The following ADAMTS17 variants were observed in gnomAD, a reference collection of about 807,000 sequenced individuals.
ADAMTS17 encodes A disintegrin and metalloproteinase with thrombospondin motifs 17.
Under a neutral mutation model 141.5 loss-of-function variants are expected in ADAMTS17, and 113 were observed. The observed-to-expected ratio is 0.80, with a 90% CI of 0.69 to 0.93. ADAMTS17 has a LOEUF of 0.93. Ranked by LOEUF, ADAMTS17 falls within the 40% of genes least tolerant of loss-of-function variation. ADAMTS17 has a pLI of 0.00. For synonymous variants in ADAMTS17, 768 were observed against 630.6 expected, an observed-to-expected ratio of 1.22 and a Z score of -3.27; for missense variants, 1,659 against 1,517.9, an observed-to-expected ratio of 1.09 and a Z score of -1.54.
Position 99,976,217 on chromosome 15 carries a change from C to G in ADAMTS17, c.2955G>C (p.Ser985=), listed in dbSNP as rs139663417. ...ACTGCAGGCCCTTCCCGCAGGTCGA[C>G]GAGCACTGCAGAGACAGGACAGCCT... is the stretch of plus-strand genomic sequence containing the variant. The part of the protein sequence containing the change: ...EWKTGDWSTC[S]STCGKGLQSR... The change falls in exon 21 of 22, where the codon TCG becomes TCC. Residue 985 remains serine, a synonymous_variant. Transcript: ENST00000268070. 1.3e-6 allele frequency: 2 copies of G among 1,545,428 alleles called. No homozygotes were observed. Among genetic ancestry groups the G allele is most frequent in the South Asian group, 1.2e-5 (1 of 84,062 alleles).
intron 19 of ADAMTS17, among the ~76,000 whole-genome samples, chr15:99,996,252 C>A (rs2060800588): frequency 6.6e-6 from 1 of 151,972 alleles, no homozygotes; most frequent in Non-Finnish European, 1.5e-5. Flanking sequence ...CAGGATTTTA[C>A]CACTGAGTGG....
At chr15:100,139,288 G>A (rs1199468865) in intron 10 of ADAMTS17, among the ~76,000 whole-genome samples, 3 of 152,200 alleles carry the variant, frequency 2.0e-5, no homozygotes, top group Non-Finnish European at 1.5e-5. Flanking sequence ...AGCCTGAGAT[G>A]AAATGATTTT....
intron 18 of ADAMTS17, among the ~76,000 whole-genome samples, chr15:100,044,737 G>A (rs2031541465): frequency 6.6e-6 from 1 of 151,940 alleles, no homozygotes; most frequent in Non-Finnish European, 1.5e-5. Context: ...CTGGAACACT[G>A]TGAATGATAC....
Position 99,993,318 on chromosome 15 carries a change from C to T in ADAMTS17, c.2797-118G>A, listed in dbSNP as rs2060729005. 2 of 1,441,366 alleles carry T rather than the reference C, an allele frequency of 1.4e-6. No homozygotes were observed. Among genetic ancestry groups the T allele is most frequent in the East Asian group, 4.5e-5 (2 of 44,008 alleles). The allele number at this position is 1,441,366 out of a possible 1,614,324, so 89.3% of individuals were successfully genotyped here. ...TGGGGATGATACAAAGATGAAAACC[C>T]ACACTTCTGTCCTCAAAAAGCTCCT... is the stretch of plus-strand genomic sequence containing the variant. On this transcript the variant is annotated intron_variant, in intron 19 of 21. Transcript: ENST00000268070. The surrounding 1 kb of genome is among the most constrained non-coding windows in gnomAD (Gnocchi z 4.3).
intron 3 of ADAMTS17, among the ~76,000 whole-genome samples, chr15:100,294,915 A>T (rs2044757799): frequency 6.6e-6 from 1 of 152,232 alleles, no homozygotes; most frequent in African/African-American, 2.4e-5. Flanking sequence ...TGGGAAGCAG[A>T]GTGCATGAGT....
chr15:100,102,670 G>A lies in ADAMTS17; in HGVS notation c.2017-6194C>T, dbSNP rs544538615. On this transcript the variant is annotated intron_variant, in intron 14 of 21. Coordinates refer to ENST00000268070, the MANE Select transcript of ADAMTS17 (RefSeq NM_139057.4). ...ACTGCTGCATGGTAGGTTTCCTTTC[G>A]TAACTAGTGCGAGGGAAATTGACCT... Among the ~76,000 whole-genome samples, 51 of 152,262 alleles carry A rather than the reference G, an allele frequency of 3.3e-4. 1 individual carries two copies. The highest frequency in any genetic ancestry group is 1.1e-3 in the African/African-American group (46 of 41,552).
At chr15:100,073,671 C>G (rs938431742) in intron 15 of ADAMTS17, among the ~76,000 whole-genome samples, 1 of 148,170 alleles carries the variant, frequency 6.7e-6, no homozygotes, top group Admixed American at 7.0e-5. Flanking sequence ...GGACAAAAAA[C>G]CAAACACCGC....
chr15:100,262,408 G>A lies in ADAMTS17; in HGVS notation c.817C>T (p.Leu273=), dbSNP rs746301144. The change falls in exon 5 of 22, where the codon CTG becomes TTG. Residue 273 remains leucine (L), a synonymous_variant. Transcript: ENST00000268070. ...ACTTGAATGTTAATTTTAATCCCCA[G>A]GCTCTGGTGCTGAAACATATTGTAT... ...MVYNMFQHQS[L]GIKINIQVTK... is the part of the protein sequence containing the mutation. The A allele has an allele frequency of 1.9e-6, 3 of 1,613,594 alleles. No homozygotes were observed. The highest frequency in any genetic ancestry group is 1.3e-5 in the African/African-American group (1 of 74,792).
At chr15:100,232,909 C>A (rs11853658) in intron 7 of ADAMTS17, among the ~76,000 whole-genome samples, 6,588 of 152,258 alleles carry the variant, frequency 0.043, 500 homozygotes, top group African/African-American at 0.15. Flanking sequence ...AGAGGAGGGA[C>A]GCCGTGAATC....
rs750609551 is a variant in ADAMTS17 at position 100,029,319 on chromosome 15, C to T, written c.2591+19538G>A. ...CAAAACATAGGGATCTAAATTTAACCCTGCTCGGTTTCCTTTCCTGACTGT... is the reference window on the plus strand; with the variant it reads ...CAAAACATAGGGATCTAAATTTAACTCTGCTCGGTTTCCTTTCCTGACTGT... On this transcript the variant is annotated intron_variant, in intron 18 of 21. Coordinates refer to ENST00000268070, the MANE Select transcript of ADAMTS17 (RefSeq NM_139057.4). Among the ~76,000 whole-genome samples, 55 of 152,312 alleles carry T rather than the reference C, an allele frequency of 3.6e-4. 1 individual carries two copies. The highest frequency in any genetic ancestry group is 6.2e-4 in the South Asian group (3 of 4,822).
In ADAMTS17 at chr15:100,146,890, C is replaced by T. The variant is rs182954311; in HGVS notation, c.1473+5722G>A. ...AGGCTTATTAGGAAGAGGAAATTCC[C>T]GCCTAATAAATTTTGGTCAGACTGG... On this transcript the variant is annotated intron_variant, in intron 10 of 21. Transcript: ENST00000268070. Among the ~76,000 whole-genome samples the T allele has an allele frequency of 6.2e-4, 95 of 152,180 alleles. 1 individual carries two copies. Among genetic ancestry groups the T allele is most frequent in the African/African-American group, 1.3e-3 (56 of 41,512 alleles).
chr15:100,324,553 C>A (rs1229265415), intron 3 of ADAMTS17, among the ~76,000 whole-genome samples: 2 of 152,196 alleles, frequency 1.3e-5, no homozygotes, highest in African/African-American at 2.4e-5. Flanking sequence ...GTATGCAAAT[C>A]TCACCAGAGT....
chr15:99,978,914 C>CT (rs1420772762), intron 20 of ADAMTS17: 1 of 152,248 alleles, frequency 6.6e-6, no homozygotes, highest in African/African-American at 2.4e-5. Flanking sequence ...CCTGAACCTC[C>CT]TCTCAGGTCC....
chr15:100,096,413 C>A lies in ADAMTS17; in HGVS notation c.2080G>T (p.Gly694Trp). Residue 694 changes from glycine (G) to tryptophan (W), a missense_variant, in exon 15 of 22, where the codon GGG becomes TGG. Coordinates refer to ENST00000268070, the MANE Select transcript of ADAMTS17 (RefSeq NM_139057.4). Reference sequence around the variant, plus strand: ...ACCAAGTGGCAGGTCTTGCCGTCCCCGCTGCAGACCCCGCATCTGTCCTCT... The same window carrying A: ...ACCAAGTGGCAGGTCTTGCCGTCCCAGCTGCAGACCCCGCATCTGTCCTCT... ...AKEDRCGVCS[G>W]DGKTCHLVKG... 6.2e-7 allele frequency: 1 copy of A among 1,614,168 alleles called. No homozygotes were observed. Among genetic ancestry groups the A allele is most frequent in the Non-Finnish European group, 8.5e-7 (1 of 1,180,028 alleles).
intron 15 of ADAMTS17, among the ~76,000 whole-genome samples, chr15:100,054,607 A>G (rs2032413466): frequency 6.6e-6 from 1 of 152,138 alleles, no homozygotes; most frequent in Non-Finnish European, 1.5e-5. Context: ...CCTTCAATCA[A>G]TAACCATTAC....
In ADAMTS17 at chr15:100,197,892, GA is replaced by G. The variant is rs1235562310; in HGVS notation, c.1181+1425del. 2.0e-5 allele frequency among the ~76,000 whole-genome samples: 3 copies of G among 152,166 alleles called. No individual in the cohort carries two copies. The East Asian group carries it at 5.8e-4, about 29-fold the overall frequency. On this transcript the variant is annotated intron_variant, in intron 8 of 21. Transcript: ENST00000268070. The stretch of plus-strand genomic sequence containing the variant: ...CTTTGCAGGGACATGGATGAAGCTG[GA>G]AACCATCATCCTCAGCAAACTAACC...
intron 7 of ADAMTS17, among the ~76,000 whole-genome samples, chr15:100,229,710 C>G (rs2042417859): frequency 6.6e-6 from 1 of 152,220 alleles, no homozygotes; most frequent in Admixed American, 6.5e-5. Context: ...CCTCCCACAA[C>G]AAAACACCCA....
intron 3 of ADAMTS17, among the ~76,000 whole-genome samples, chr15:100,323,723 GATAA>G (rs770906825): frequency 2.6e-5 from 4 of 152,098 alleles, no homozygotes; most frequent in Admixed American, 6.6e-5. Flanking sequence ...CTGCAATAAA[GATAA>G]ATGAACTAGA....
At chr15:100,089,203 G>C (rs1301848356) in intron 15 of ADAMTS17, among the ~76,000 whole-genome samples, 2 of 148,702 alleles carry the variant, frequency 1.3e-5, no homozygotes, top group African/African-American at 5.0e-5. Flanking sequence ...CTCAAAAGAA[G>C]ACATTTATGC....
Sources: gnomAD v4.1 joint callset for allele counts (sites outside exome capture counted in the v4.1 genomes callset) on GRCh38, gnomAD v4.1.1 for gene constraint, Gnocchi (gnomAD v3.1) non-coding constraint, MANE v1.5 for transcripts, NCBI Gene and HGNC (gene_info 2026-07-23, HGNC 2026-07-21) for gene names.